CHAT: variants seen among roughly 807,000 people sequenced by gnomAD.
The protein encoded by CHAT is choline O-acetyltransferase.
Under a neutral mutation model 76.9 loss-of-function variants are expected in CHAT, and 61 were observed. The ratio of observed to expected loss-of-function variants is 0.79; its 90% CI spans 0.65 to 0.98. The LOEUF is 0.98. CHAT is among the 50% of genes least tolerant of loss of function. The pLI, the probability that CHAT is intolerant of heterozygous loss-of-function variation, is 0.00. For synonymous variants in CHAT, 407 were observed against 397.4 expected (o/e 1.02, Z -0.29); for missense variants, 946 against 986.9 (o/e 0.96, Z 0.56).
At chr10:49,646,031 CA>C (rs1221299123) in intron 7 of CHAT, among the ~76,000 whole-genome samples, 1 of 152,046 alleles carries the variant, frequency 6.6e-6, no homozygotes, top group Non-Finnish European at 1.5e-5. Context: ...ATTGCAACAA[CA>C]ATTTTGAAAT....
Position 49,665,890 on chromosome 10 carries a change from T to G in CHAT, c.*844T>G, listed in dbSNP as rs1194151591. On this transcript the variant is annotated 3_prime_UTR_variant, in exon 15 of 15. Coordinates refer to ENST00000337653, the MANE Select transcript of CHAT (RefSeq NM_020549.5). ...AGGACCTGGCCCCTTCCCGGGGTCC[T>G]GCCATTTGCATTTTTTCTGCATCTT... Among the ~76,000 whole-genome samples the G allele has an allele frequency of 6.6e-6, 1 of 152,218 alleles. No individual in the cohort carries two copies. The highest frequency in any genetic ancestry group is 2.4e-5 in the African/African-American group (1 of 41,464).
upstream of CHAT, among the ~76,000 whole-genome samples, chr10:49,609,954 G>C (rs1428585350): frequency 2.6e-5 from 4 of 152,098 alleles, no homozygotes; most frequent in Admixed American, 2.0e-4. Context: ...TCGAGGAACC[G>C]GCTGCCGCGC....
chr10:49,644,457 C>G (rs1470749870), intron 7 of CHAT, among the ~76,000 whole-genome samples: 5 of 152,134 alleles, frequency 3.3e-5, no homozygotes, highest in African/African-American at 1.2e-4. Context: ...TGGGCTGGCT[C>G]TCATTTATGC....
chr10:49,627,710 C>A lies in CHAT; in HGVS notation c.1036C>A (p.Arg346Ser), dbSNP rs182935725. 3 of 1,614,010 alleles carry A rather than the reference C, an allele frequency of 1.9e-6. No individual in the cohort carries two copies. Among genetic ancestry groups the A allele is most frequent in the Admixed American group, 3.3e-5 (2 of 60,008 alleles). Residue 346 changes from arginine (R) to serine (S), a missense_variant, in exon 7 of 15, where the codon CGT (arginine) becomes AGT (serine). Coordinates refer to ENST00000337653, the MANE Select transcript of CHAT (RefSeq NM_020549.5). The part of the protein sequence containing the change: ...IVKMASNEDE[R>S]LPPIGLLTSD... Reference sequence around the variant, plus strand: ...CAAAATGGCTTCCAACGAGGACGAGCGTTTGCCTCCAATTGGCCTGCTGAC... The same window carrying A: ...CAAAATGGCTTCCAACGAGGACGAGAGTTTGCCTCCAATTGGCCTGCTGAC...
intron 13 of CHAT, among the ~76,000 whole-genome samples, chr10:49,660,457 G>A (rs1167151894): frequency 6.9e-6 from 1 of 144,530 alleles, no homozygotes; most frequent in Non-Finnish European, 1.5e-5. Context: ...AAAAAAAAAA[G>A]AGCTGAAATT....
At chr10:49,627,363 C>T (rs892593474) in intron 6 of CHAT, among the ~76,000 whole-genome samples, 3 of 152,198 alleles carry the variant, frequency 2.0e-5, no homozygotes, top group Non-Finnish European at 2.9e-5. Flanking sequence ...TAATGGATTC[C>T]GTGAACCATG....
intron 13 of CHAT, among the ~76,000 whole-genome samples, chr10:49,657,769 A>T (rs1477207730): frequency 6.6e-6 from 1 of 152,194 alleles, no homozygotes; most frequent in Non-Finnish European, 1.5e-5. Flanking sequence ...GGTAAAATTG[A>T]CCAAGCCAAG....
chr10:49,630,528 G>T (rs1839081635), intron 7 of CHAT, among the ~76,000 whole-genome samples: 1 of 152,188 alleles, frequency 6.6e-6, no homozygotes, highest in African/African-American at 2.4e-5. Context: ...TTGTCGATGA[G>T]GCAGTCAGTG....
At chr10:49,618,765 C>T (rs1175302615) in intron 2 of CHAT, among the ~76,000 whole-genome samples, 1 of 152,200 alleles carries the variant, frequency 6.6e-6, no homozygotes, top group African/African-American at 2.4e-5. Context: ...TTCCTAGACT[C>T]TAGCCACACT....
intron 10 of CHAT, among the ~76,000 whole-genome samples, 175 bp downstream of exon 10, chr10:49,649,811 G>A (rs1005825685): frequency 6.6e-6 from 1 of 151,584 alleles, no homozygotes; most frequent in African/African-American, 2.4e-5. Flanking sequence ...TACAACTCTG[G>A]GGAAATAACC....
chr10:49,665,790 G>A lies in CHAT; in HGVS notation c.*744G>A, dbSNP rs917997335. Among the ~76,000 whole-genome samples the A allele has an allele frequency of 1.3e-5, 2 of 152,086 alleles. No homozygotes were observed. Among genetic ancestry groups the A allele is most frequent in the Non-Finnish European group, 2.9e-5 (2 of 68,024 alleles). On this transcript the variant is annotated 3_prime_UTR_variant, in exon 15 of 15. Transcript: ENST00000337653. ...TGCTGCCACTCTCTGCTTAGCAGGCGGCATCAGGGCCAGTCCAAGATGAGT... is the reference window on the plus strand; with the variant it reads ...TGCTGCCACTCTCTGCTTAGCAGGCAGCATCAGGGCCAGTCCAAGATGAGT...
At chr10:49,615,075 T>C (rs1838436116) in intron 1 of CHAT, among the ~76,000 whole-genome samples, 1 of 145,050 alleles carries the variant, frequency 6.9e-6, no homozygotes, top group Non-Finnish European at 1.5e-5. Flanking sequence ...AGTTGGTAGG[T>C]GGGACCACCA....
chr10:49,633,620 C>T (rs982315270), intron 7 of CHAT, among the ~76,000 whole-genome samples: 4 of 152,196 alleles, frequency 2.6e-5, no homozygotes, highest in Non-Finnish European at 4.4e-5. Context: ...GAAGCTGTGG[C>T]CTTCCTGAAC....
intron 5 of CHAT, among the ~76,000 whole-genome samples, chr10:49,624,730 C>CGGAT (rs908612250): frequency 1.4e-3 from 59 of 41,536 alleles, no homozygotes; most frequent in Middle Eastern, 0.013. Context: ...GATGGATGGA[C>CGGAT]GGATGGATGG....
chr10:49,611,804 T>G, upstream of CHAT: 1 of 1,603,476 alleles, frequency 6.2e-7, no homozygotes, highest in Non-Finnish European at 8.5e-7. Context: ...TACCCACACC[T>G]GCAGTGGCTG....
intron 7 of CHAT, among the ~76,000 whole-genome samples, chr10:49,640,507 G>T (rs1163216105): frequency 6.6e-6 from 1 of 150,984 alleles, no homozygotes; most frequent in Non-Finnish European, 1.5e-5. Context: ...GGGTTGGGGG[G>T]TGGAAGTTCA....
At position 49,666,447 on chromosome 10, in the gene CHAT, A is replaced by C. The variant is rs1485174633; in HGVS notation, c.*1401A>C. ...GAGGGAGTAAGAAAGCAACCAGAGAAATCTACAGCATAGAGCCCGTGTGTT... is the reference window on the plus strand; with the variant it reads ...GAGGGAGTAAGAAAGCAACCAGAGACATCTACAGCATAGAGCCCGTGTGTT... On this transcript the variant is annotated 3_prime_UTR_variant, in exon 15 of 15. Coordinates refer to ENST00000337653, the MANE Select transcript of CHAT (RefSeq NM_020549.5). Among the ~76,000 whole-genome samples, 2 of 152,180 alleles carry C rather than the reference A, an allele frequency of 1.3e-5. No individual in the cohort carries two copies. The highest frequency in any genetic ancestry group is 4.8e-5 in the African/African-American group (2 of 41,446).
At chr10:49,627,902 G>C in intron 7 of CHAT, 117 bp downstream of exon 7, 1 of 1,240,122 alleles carries the variant, frequency 8.1e-7, no homozygotes, top group Non-Finnish European at 1.1e-6. Flanking sequence ...TGGGAGCTCA[G>C]GGCCCACAGC....
At chr10:49,653,030 T>G (rs1390621601) in intron 11 of CHAT, among the ~76,000 whole-genome samples, 1 of 152,094 alleles carries the variant, frequency 6.6e-6, no homozygotes, top group African/African-American at 2.4e-5. Context: ...GTGAATTATC[T>G]TGTTTGCAGG....
Sources: gnomAD v4.1 joint callset for allele counts (sites outside exome capture counted in the v4.1 genomes callset) on GRCh38, gnomAD v4.1.1 for gene constraint, MANE v1.5 for transcripts, NCBI Gene and HGNC (gene_info 2026-07-23, HGNC 2026-07-21) for gene names.